Variants in HEG1 observed in about 807,000 individuals in gnomAD.
HEG1 encodes protein HEG homolog 1.
HEG1 carries 56 observed loss-of-function variants against 125.6 expected under a neutral mutation model. The ratio of observed to expected loss-of-function variants is 0.45; its 90% CI spans 0.36 to 0.56. The LOEUF (loss-of-function observed/expected upper bound fraction) is 0.56. HEG1 is among the 20% of genes least tolerant of loss of function. HEG1 has a pLI of 0.00. For synonymous variants in HEG1, 644 were observed against 668.5 expected (o/e 0.96, Z 0.57); for missense variants, 1,523 against 1,670.0 (o/e 0.91, Z 1.53).
chr3:124,978,639 T>C (rs577046627), intron 14 of HEG1, among the ~76,000 whole-genome samples: 37 of 152,254 alleles, frequency 2.4e-4, no homozygotes, highest in Admixed American at 2.4e-3. Flanking sequence ...CTTTCTACTT[T>C]TCTCTGTCAC....
chr3:124,978,941 ATTCTTTTTTTTT>A (rs1454940050), intron 14 of HEG1, among the ~76,000 whole-genome samples: 1 of 151,344 alleles, frequency 6.6e-6, no homozygotes. Context: ...AGATATAAAA[ATTCTTTTTTTTT>A]TTCTTTTTTT....
At chr3:124,987,612 C>T (rs1205496314) in intron 14 of HEG1, among the ~76,000 whole-genome samples, 1 of 136,890 alleles carries the variant, frequency 7.3e-6, no homozygotes, top group African/African-American at 2.9e-5. Context: ...AAGCTCCGCC[C>T]CCCCAGGTTC....
Position 125,019,333 on chromosome 3 carries a change from C to A in HEG1, c.1517G>T (p.Ser506Ile). The change falls in exon 5 of 17, where the codon AGT becomes ATT. Residue 506 changes from serine to isoleucine, a missense_variant. Physicochemically the swap from Ser to Ile is moderately radical, Grantham distance 142. Transcript: ENST00000311127. ...GGSHTALGDR[S>I]YSESSSTSSS... ...AGATGTAGATGAAGACTCTGAATAA[C>A]TCCTATCTCCCAATGCTGTGTGACT... The A allele has an allele frequency of 6.2e-7, 1 of 1,613,980 alleles. No individual in the cohort carries two copies. Among genetic ancestry groups the A allele is most frequent in the Non-Finnish European group, 8.5e-7 (1 of 1,179,848 alleles).
In HEG1 at chr3:125,001,942, G is replaced by A; in HGVS notation, c.3427C>T (p.Leu1143=). 6.2e-7 allele frequency: 1 copy of A among 1,614,014 alleles called. No homozygotes were observed. Among genetic ancestry groups the A allele is most frequent in the South Asian group, 1.1e-5 (1 of 91,060 alleles). ...SLASNVTLFD[L]ADRMQKCVNS... ...ACACATTTCTGCATCCTATCAGCCA[G>A]GTCAAATAGCGTCACATTGGAGGCC... The change falls in exon 11 of 17, where the codon CTG becomes TTG. Residue 1143 remains leucine (L), a synonymous_variant. Coordinates refer to ENST00000311127, the MANE Select transcript of HEG1 (RefSeq NM_020733.2).
chr3:124,981,487 G>A (rs1049669628), intron 14 of HEG1, among the ~76,000 whole-genome samples: 4 of 152,126 alleles, frequency 2.6e-5, no homozygotes, highest in East Asian at 1.9e-4. Flanking sequence ...TCAAACTCCC[G>A]TCTGCGTCTC....
intron 9 of HEG1, 32 bp from the exon 10 acceptor site, chr3:125,002,347 T>A: frequency 6.3e-7 from 1 of 1,586,428 alleles, no homozygotes; most frequent in Non-Finnish European, 8.6e-7. Flanking sequence ...TCGTTAACAG[T>A]GAGTTAGACA....
intron 1 of HEG1, among the ~76,000 whole-genome samples, chr3:125,031,093 G>A (rs1438291513): frequency 1.3e-5 from 2 of 152,132 alleles, no homozygotes; most frequent in African/African-American, 4.8e-5. Flanking sequence ...GGGTTAAATT[G>A]GGCAAAAGGA....
At position 124,967,978 on chromosome 3, in the gene HEG1, C is replaced by T. The variant is rs932709756; in HGVS notation, c.*2674G>A. The T allele has an allele frequency of 1.3e-5, 2 of 152,320 alleles. No individual in the cohort carries two copies. The highest frequency in any genetic ancestry group is 4.8e-5 in the African/African-American group (2 of 41,450). The allele number at this position is 152,320 out of a possible 1,614,324, so 9.4% of individuals were successfully genotyped here. A position where few individuals can be genotyped will look rare whatever the true frequency, so the allele number is the denominator to read the frequency against. The stretch of plus-strand genomic sequence containing the variant: ...GTGTGTGACGGGACACACAGATGCC[C>T]CTGCGCCCGGCTCCTCTCTATGGAG... On this transcript the variant is annotated 3_prime_UTR_variant, in exon 17 of 17. Transcript: ENST00000311127.
At position 125,019,488 on chromosome 3, in the gene HEG1, G is replaced by A; in HGVS notation, c.1362C>T (p.Ile454=). The stretch of plus-strand genomic sequence containing the variant: ...TGTTGGTCAAGAGCCAGTGTGCAGT[G>A]ATCTCTCCACCTCTCATGGGTGCGA... The part of the protein sequence containing the change: ...RSVAPMRGGE[I]TAHWLLTNST... The change falls in exon 5 of 17, where the codon ATC becomes ATT. Residue 454 remains isoleucine (I), a synonymous_variant. Coordinates refer to ENST00000311127, the MANE Select transcript of HEG1 (RefSeq NM_020733.2). 6.2e-7 allele frequency: 1 copy of A among 1,614,022 alleles called. No individual in the cohort carries two copies. Among genetic ancestry groups the A allele is most frequent in the East Asian group, 2.2e-5 (1 of 44,872 alleles).
At chr3:125,016,601 A>G (rs1937252448) in intron 5 of HEG1, among the ~76,000 whole-genome samples, 1 of 152,248 alleles carries the variant, frequency 6.6e-6, no homozygotes, top group Non-Finnish European at 1.5e-5. Context: ...AGGCACAAAC[A>G]TAAAAGAGCA....
At chr3:125,004,575 A>C (rs1453009134) in intron 9 of HEG1, among the ~76,000 whole-genome samples, 1 of 152,084 alleles carries the variant, frequency 6.6e-6, no homozygotes, top group Non-Finnish European at 1.5e-5. Context: ...CCACAGCCTC[A>C]ACCTCTGGGG....
At chr3:125,036,684 T>C (rs1372722287) in intron 1 of HEG1, among the ~76,000 whole-genome samples, 1 of 152,180 alleles carries the variant, frequency 6.6e-6, no homozygotes, top group Non-Finnish European at 1.5e-5. Flanking sequence ...AAAGGAAATA[T>C]ATAAGTGGAG....
At chr3:125,040,749 A>C (rs1937587944) in intron 1 of HEG1, among the ~76,000 whole-genome samples, 1 of 152,072 alleles carries the variant, frequency 6.6e-6, no homozygotes, top group Admixed American at 6.5e-5. Flanking sequence ...CCCTCCTTTA[A>C]AATTCCCCTT....
chr3:125,015,173 A>G (rs1429173170), intron 5 of HEG1, among the ~76,000 whole-genome samples: 1 of 152,240 alleles, frequency 6.6e-6, no homozygotes, highest in East Asian at 1.9e-4. Flanking sequence ...TGGCTCAGTG[A>G]TTGAAACCTC....
At position 124,973,870 on chromosome 3, in the gene HEG1, T is replaced by C; in HGVS notation, c.3857A>G (p.Lys1286Arg). 1 of 1,613,164 alleles carries C rather than the reference T, an allele frequency of 6.2e-7. No individual in the cohort carries two copies. Among genetic ancestry groups the C allele is most frequent in the Non-Finnish European group, 8.5e-7 (1 of 1,179,370 alleles). ...CGGGGACATTTGGAAATCTCCACTT[T>C]TGAAGATGAGTTTGCTTATGTCATT... ...NKNDISKLIF[K>R]SGDFQMSPYA... is the part of the protein sequence containing the mutation. Residue 1286 changes from lysine to arginine, a missense_variant, in exon 16 of 17, where the codon AAA becomes AGA. Physicochemically the swap from Lys to Arg is conservative, Grantham distance 26. Coordinates refer to ENST00000311127, the MANE Select transcript of HEG1 (RefSeq NM_020733.2).
Position 124,968,084 on chromosome 3 carries a change from T to G in HEG1, c.*2568A>C, listed in dbSNP as rs1035169565. ...CCATCTGTGGGATATTGGTGCAGGA[T>G]TGTGGCATCTGTGCACGTGAATCAC... is the stretch of plus-strand genomic sequence containing the variant. On this transcript the variant is annotated 3_prime_UTR_variant, in exon 17 of 17. Coordinates refer to ENST00000311127, the MANE Select transcript of HEG1 (RefSeq NM_020733.2). 6.6e-6 allele frequency: 1 copy of G among 152,448 alleles called. No individual in the cohort carries two copies. Among genetic ancestry groups the G allele is most frequent in the African/African-American group, 2.4e-5 (1 of 41,468 alleles). 9.4% of individuals were successfully genotyped at this position (152,448 alleles called of 1,614,324 possible). A position where few individuals can be genotyped will look rare whatever the true frequency, so the allele number is the denominator to read the frequency against.
intron 14 of HEG1, among the ~76,000 whole-genome samples, chr3:124,978,308 C>T (rs1282568372): frequency 3.3e-5 from 5 of 152,086 alleles, no homozygotes; most frequent in South Asian, 2.1e-4. Flanking sequence ...CCACCAGGCC[C>T]GGCTAATTTT....
chr3:125,021,456 A>C (rs991875787), intron 3 of HEG1, among the ~76,000 whole-genome samples: 2 of 152,218 alleles, frequency 1.3e-5, no homozygotes, highest in Non-Finnish European at 1.5e-5. Flanking sequence ...TTACAGCTTA[A>C]ACAGGACTGG....
At chr3:124,978,792 C>T (rs1291264442) in intron 14 of HEG1, among the ~76,000 whole-genome samples, 3 of 125,802 alleles carry the variant, frequency 2.4e-5, no homozygotes, top group Non-Finnish European at 5.2e-5. Flanking sequence ...CACAGTGAGA[C>T]TCTGTCTCAA....
Sources: gnomAD v4.1 joint callset for allele counts (sites outside exome capture counted in the v4.1 genomes callset) on GRCh38, gnomAD v4.1.1 for gene constraint, MANE v1.5 for transcripts, NCBI Gene and HGNC (gene_info 2026-07-23, HGNC 2026-07-21) for gene names.